SETBP1: variants seen among roughly 807,000 people sequenced by gnomAD.
SETBP1 encodes the protein SET-binding protein.
SETBP1 carries 9 observed loss-of-function variants against 101.0 expected under a neutral mutation model. The ratio of observed to expected loss-of-function variants is 0.09; its 90% CI spans 0.05 to 0.16. SETBP1 has a LOEUF of 0.16. Among genes scored for constraint, SETBP1 ranks in the 10% least tolerant of loss-of-function variants. The pLI, the probability that SETBP1 is intolerant of heterozygous loss-of-function variation, is 1.00. For missense variants in SETBP1, 1,858 were observed against 2,033.8 expected, an observed-to-expected ratio of 0.91 and a Z score of 1.66; for synonymous variants, 818 against 788.5, an observed-to-expected ratio of 1.04 and a Z score of -0.63.
At chr18:44,980,272 G>A (rs181116096) in intron 4 of SETBP1, among the ~76,000 whole-genome samples, 116 of 152,252 alleles carry the variant, frequency 7.6e-4, no homozygotes, top group African/African-American at 2.6e-3. Context: ...TAGCTAGTTT[G>A]CACAGTAAAC....
At chr18:44,919,005 G>C (rs2070514158) in intron 3 of SETBP1, among the ~76,000 whole-genome samples, 2 of 152,200 alleles carry the variant, frequency 1.3e-5, no homozygotes, top group African/African-American at 4.8e-5. Flanking sequence ...AGCAAAGCCA[G>C]CATAGCTCGG....
chr18:44,940,711 C>T (rs2071069030), intron 3 of SETBP1, among the ~76,000 whole-genome samples: 1 of 152,058 alleles, frequency 6.6e-6, no homozygotes, highest in African/African-American at 2.4e-5. Flanking sequence ...GTCATAAATC[C>T]TAAAATCTTA....
At chr18:44,764,443 CCTTCTTTCTTCTTCTTTCTTCGTTCTT>C (rs2144603366) in intron 2 of SETBP1, among the ~76,000 whole-genome samples, 1 of 152,148 alleles carries the variant, frequency 6.6e-6, no homozygotes, top group Admixed American at 6.5e-5. Flanking sequence ...TCTTCTTCTT[CCTTCTTTCTTCTTCTTTCTTCGTTCTT>C]CTTCTTTCTT....
At chr18:45,039,575 G>GAGTCAACC (rs1018770231) in intron 5 of SETBP1, among the ~76,000 whole-genome samples, 72 of 152,356 alleles carry the variant, frequency 4.7e-4, no homozygotes, top group African/African-American at 1.7e-3. Context: ...CTCAGAGGCA[G>GAGTCAACC]AGTCAACCGT....
intron 2 of SETBP1, among the ~76,000 whole-genome samples, chr18:44,791,239 C>T (rs1158356711): frequency 6.6e-6 from 1 of 152,064 alleles, no homozygotes; most frequent in Non-Finnish European, 1.5e-5. Flanking sequence ...GCCAGGGATG[C>T]CACTAAACAC....
intron 3 of SETBP1, among the ~76,000 whole-genome samples, chr18:44,933,900 G>T (rs1396548078): frequency 6.6e-6 from 1 of 152,022 alleles, no homozygotes; most frequent in Non-Finnish European, 1.5e-5. Flanking sequence ...ATGCCTCCCA[G>T]GTGAGGCGAT....
At chr18:44,709,220 T>C (rs2069288360) in intron 2 of SETBP1, among the ~76,000 whole-genome samples, 2 of 152,222 alleles carry the variant, frequency 1.3e-5, no homozygotes, top group Non-Finnish European at 2.9e-5. Context: ...GGAAGGTTTT[T>C]TGGTGAATTC....
At chr18:44,930,152 T>C (rs1160138267) in intron 3 of SETBP1, among the ~76,000 whole-genome samples, 2 of 152,258 alleles carry the variant, frequency 1.3e-5, no homozygotes, top group African/African-American at 4.8e-5. Context: ...TGAAGCGCTG[T>C]TGAATTTTGT....
intron 2 of SETBP1, among the ~76,000 whole-genome samples, chr18:44,859,544 T>C (rs1490431019): frequency 1.3e-5 from 2 of 152,126 alleles, no homozygotes; most frequent in Non-Finnish European, 2.9e-5. Context: ...CTTAGGTGAG[T>C]TATTTAAGCA....
Position 44,963,840 on chromosome 18 carries a change from C to T in SETBP1, c.4000+10500C>T, listed in dbSNP as rs911054996. ...AGGAGTTCAAGGCTGCAGGAAACCA[C>T]GATTGTGCCACTACATGACACTGAA... On this transcript the variant is annotated intron_variant, in intron 4 of 5. Coordinates refer to ENST00000649279, the MANE Select transcript of SETBP1 (RefSeq NM_015559.3). Among the ~76,000 whole-genome samples, 9 of 125,654 alleles carry T rather than the reference C, an allele frequency of 7.2e-5. No homozygotes were observed. The South Asian group carries it at 1.5e-3, about 21-fold the overall frequency. 82.4% of individuals were successfully genotyped at this position (125,654 alleles called of 152,430 possible).
intron 2 of SETBP1, among the ~76,000 whole-genome samples, chr18:44,750,702 A>G (rs2070363326): frequency 6.6e-6 from 1 of 152,134 alleles, no homozygotes; most frequent in African/African-American, 2.4e-5. Flanking sequence ...TCCTATCTCC[A>G]TTTCACTGCT....
intron 4 of SETBP1, among the ~76,000 whole-genome samples, chr18:44,963,275 T>C (rs1386206979): frequency 6.6e-6 from 1 of 152,184 alleles, no homozygotes; most frequent in Non-Finnish European, 1.5e-5. Context: ...AATAAGGCAC[T>C]AACTAATAGG....
chr18:44,693,850 C>T (rs1175539284), intron 1 of SETBP1, among the ~76,000 whole-genome samples: 1 of 152,160 alleles, frequency 6.6e-6, no homozygotes, highest in Non-Finnish European at 1.5e-5. Flanking sequence ...GCAGCTTGAA[C>T]AAAACCAGCT....
At chr18:44,873,399 G>A (rs2069323694) in intron 3 of SETBP1, among the ~76,000 whole-genome samples, 1 of 152,208 alleles carries the variant, frequency 6.6e-6, no homozygotes, top group South Asian at 2.1e-4. Flanking sequence ...AGCATTGTAT[G>A]CCTGAAATGC....
At chr18:44,772,456 C>T (rs532121980) in intron 2 of SETBP1, among the ~76,000 whole-genome samples, 1 of 152,284 alleles carries the variant, frequency 6.6e-6, no homozygotes, top group South Asian at 2.1e-4. Flanking sequence ...CCAGCAGGGA[C>T]TGGGAACCGC....
At chr18:44,791,439 C>T (rs1363287424) in intron 2 of SETBP1, among the ~76,000 whole-genome samples, 1 of 152,192 alleles carries the variant, frequency 6.6e-6, no homozygotes, top group Non-Finnish European at 1.5e-5. Flanking sequence ...TATACATGCA[C>T]ACCCACACAG....
intron 2 of SETBP1, among the ~76,000 whole-genome samples, chr18:44,830,879 T>C (rs151195305): frequency 3.9e-5 from 6 of 152,196 alleles, no homozygotes; most frequent in Non-Finnish European, 7.3e-5. Context: ...AAACAGTACA[T>C]TGTGTTTTCT....
At position 44,941,115 on chromosome 18, in the gene SETBP1, C is replaced by T. The variant is rs916378905; in HGVS notation, c.541-8766C>T. Reference sequence around the variant, plus strand: ...TTTTTTTTTTTGAGATGGAGTCATACTTTGTTGCCAGGCTGGAGTGCAGTG... The same window carrying T: ...TTTTTTTTTTTGAGATGGAGTCATATTTTGTTGCCAGGCTGGAGTGCAGTG... On this transcript the variant is annotated intron_variant, in intron 3 of 5. Transcript: ENST00000649279. 7.3e-5 allele frequency among the ~76,000 whole-genome samples: 8 copies of T among 108,962 alleles called. No homozygotes were observed. In the East Asian group the frequency reaches 2.4e-3, roughly 32 times the overall value. 71.5% of individuals were successfully genotyped at this position (108,962 alleles called of 152,430 possible).
At chr18:44,736,401 T>C (rs2069968570) in intron 2 of SETBP1, among the ~76,000 whole-genome samples, 2 of 152,134 alleles carry the variant, frequency 1.3e-5, no homozygotes, top group African/African-American at 4.8e-5. Flanking sequence ...CTCTGTAGGG[T>C]ATGCAAAAGA....
Sources: allele counts gnomAD v4.1 joint callset (sites outside exome capture counted in the v4.1 genomes callset), GRCh38; gene constraint gnomAD v4.1.1; transcripts MANE v1.5; gene names NCBI Gene and HGNC (gene_info 2026-07-23, HGNC 2026-07-21).